RPH3A: variants seen among roughly 807,000 people sequenced by gnomAD.
The protein encoded by RPH3A is rabphilin 3A.
In RPH3A, 48 loss-of-function variants were observed where a neutral mutation model predicts 102.2. The observed-to-expected ratio is 0.47, with a 90% confidence interval of 0.37 to 0.60. The LOEUF (loss-of-function observed/expected upper bound fraction) is 0.60, where lower values mean the gene tolerates loss of function less well. Ranked by LOEUF, RPH3A falls within the 20% of genes least tolerant of loss-of-function variation. RPH3A has a pLI of 0.00. For synonymous variants in RPH3A, 310 were observed against 324.3 expected, an observed-to-expected ratio of 0.96 and a Z score of 0.47; for missense variants, 781 against 910.1, an observed-to-expected ratio of 0.86 and a Z score of 1.83.
chr12:112,668,002 G>A (rs986267639), intron 1 of RPH3A, among the ~76,000 whole-genome samples: 3 of 152,138 alleles, frequency 2.0e-5, no homozygotes, highest in African/African-American at 7.2e-5. Flanking sequence ...CAGATCAAAT[G>A]TCTCTTCCTC....
chr12:112,841,173 TAA>T (rs11447068), intron 4 of RPH3A, among the ~76,000 whole-genome samples: 52 of 33,354 alleles, frequency 1.6e-3, no homozygotes, highest in African/African-American at 5.7e-3. Context: ...CCTTGTTTCT[TAA>T]AAAAAAAAAA....
intron 1 of RPH3A, among the ~76,000 whole-genome samples, chr12:112,620,465 A>G (rs1006321598): frequency 2.0e-5 from 3 of 152,172 alleles, no homozygotes; most frequent in African/African-American, 7.2e-5. Context: ...AAACAGCATC[A>G]TGTCCTAGGA....
chr12:112,705,474 G>T (rs1409991078), intron 1 of RPH3A, among the ~76,000 whole-genome samples: 1 of 152,104 alleles, frequency 6.6e-6, no homozygotes, highest in Non-Finnish European at 1.5e-5. Context: ...GTGCAAGGAG[G>T]TTTATAGTTC....
At chr12:112,864,703 T>C (rs2042578119) in intron 5 of RPH3A, among the ~76,000 whole-genome samples, 1 of 152,208 alleles carries the variant, frequency 6.6e-6, no homozygotes, top group African/African-American at 2.4e-5. Context: ...TGGATCTCTA[T>C]CCAGCCAAAT....
chr12:112,676,729 C>G (rs1347393088), intron 1 of RPH3A, among the ~76,000 whole-genome samples: 1 of 152,166 alleles, frequency 6.6e-6, no homozygotes, highest in Non-Finnish European at 1.5e-5. Flanking sequence ...CCAGGCCCGT[C>G]TCCCTCTTAG....
chr12:112,621,702 C>T lies in RPH3A; in HGVS notation c.-140+46383C>T, dbSNP rs1052233096. 1.9e-3 allele frequency among the ~76,000 whole-genome samples: 287 copies of T among 152,168 alleles called. 1 individual carries two copies. Among genetic ancestry groups the T allele is most frequent in the Non-Finnish European group, 3.3e-3 (226 of 67,972 alleles). ...CAGGAAGCTCGAACTGGGTGGAGCC[C>T]ACCACAGTTCAAGGAGGCCTGCCTG... On this transcript the variant is annotated intron_variant, in intron 1 of 21. Coordinates refer to the RPH3A transcript ENST00000543106.
At chr12:112,842,031 C>T (rs891100045) in intron 4 of RPH3A, 1 of 455,914 alleles carries the variant, frequency 2.2e-6, no homozygotes, top group Non-Finnish European at 4.4e-6. Context: ...AAAGAGTTTC[C>T]TGATTTCAAA....
At chr12:112,700,678 T>A (rs567241156) in intron 1 of RPH3A, among the ~76,000 whole-genome samples, 1 of 152,264 alleles carries the variant, frequency 6.6e-6, no homozygotes, top group African/African-American at 2.4e-5. Flanking sequence ...ACATGATTGA[T>A]CACCCCTTTT....
chr12:112,786,606 G>T (rs372741634), intron 1 of RPH3A, among the ~76,000 whole-genome samples: 1 of 152,192 alleles, frequency 6.6e-6, no homozygotes, highest in East Asian at 1.9e-4. Context: ...AAAGCCCAGT[G>T]TTCAGGCTAA....
intron 1 of RPH3A, among the ~76,000 whole-genome samples, chr12:112,591,947 G>A (rs1017267800): frequency 6.6e-6 from 1 of 152,180 alleles, no homozygotes; most frequent in Admixed American, 6.5e-5. Flanking sequence ...ACCAAAACCT[G>A]TGGGTTCTCA....
At chr12:112,680,564 A>C (rs2040219478) in intron 1 of RPH3A, among the ~76,000 whole-genome samples, 1 of 152,142 alleles carries the variant, frequency 6.6e-6, no homozygotes, top group African/African-American at 2.4e-5. Context: ...ATTTGAACCC[A>C]GGCAGTCTGG....
At chr12:112,869,460 G>T in intron 8 of RPH3A, 1 of 344,858 alleles carries the variant, frequency 2.9e-6, no homozygotes, top group Non-Finnish European at 5.2e-6. Context: ...TCCCTGAGGA[G>T]TCCCCAGTTT....
intron 1 of RPH3A, among the ~76,000 whole-genome samples, chr12:112,641,271 A>G (rs2135991634): frequency 6.6e-6 from 1 of 152,354 alleles, no homozygotes; most frequent in South Asian, 2.1e-4. Context: ...ATTTTGCTCC[A>G]TTGAGCCTAT....
chr12:112,627,507 G>T (rs902835755), intron 1 of RPH3A, among the ~76,000 whole-genome samples: 18 of 150,980 alleles, frequency 1.2e-4, no homozygotes, highest in Admixed American at 4.0e-4. Flanking sequence ...GTTATATATT[G>T]TGTCAATACT....
intron 1 of RPH3A, among the ~76,000 whole-genome samples, chr12:112,601,307 T>C (rs1033450104): frequency 6.6e-6 from 1 of 152,186 alleles, no homozygotes; most frequent in Non-Finnish European, 1.5e-5. Flanking sequence ...ATAGGAAAAA[T>C]GTTTGGCTCA....
At chr12:112,875,060 T>A (rs542931277) in intron 10 of RPH3A, 24 bp from the exon 11 acceptor site, 1 of 1,579,420 alleles carries the variant, frequency 6.3e-7, no homozygotes, top group East Asian at 2.3e-5. Context: ...ACATAATGGC[T>A]GTTTTCTTTT....
chr12:112,689,398 A>T, intron 1 of RPH3A, among the ~76,000 whole-genome samples: 1 of 152,364 alleles, frequency 6.6e-6, no homozygotes, highest in South Asian at 2.1e-4. Context: ...CTCCCTATTT[A>T]TAAGTACTGT....
At chr12:112,660,017 G>C (rs1042928096) in intron 1 of RPH3A, among the ~76,000 whole-genome samples, 2 of 152,060 alleles carry the variant, frequency 1.3e-5, no homozygotes, top group Non-Finnish European at 2.9e-5. Flanking sequence ...ATCAATATTG[G>C]GGTATTGCTT....
intron 7 of RPH3A, chr12:112,868,154 A>G (rs1176897996): frequency 1.2e-5 from 4 of 347,614 alleles, no homozygotes; most frequent in East Asian, 9.7e-5. Context: ...CTAGCTGTGT[A>G]CTATTGGACC....
Sources: allele counts gnomAD v4.1 joint callset (sites outside exome capture counted in the v4.1 genomes callset), GRCh38; gene constraint gnomAD v4.1.1; transcripts MANE v1.5; gene names NCBI Gene and HGNC (gene_info 2026-07-23, HGNC 2026-07-21).